Variants in LRP1B observed in about 807,000 individuals in gnomAD.
The protein encoded by LRP1B is LDL receptor related protein 1B.
A neutral mutation model predicts 556.6 loss-of-function variants in LRP1B; 217 were observed. The observed-to-expected ratio is 0.39, with a 90% CI of 0.35 to 0.44. The LOEUF is 0.44. Among genes scored for constraint, LRP1B ranks in the 20% least tolerant of loss-of-function variants. LRP1B has a pLI of 1.00. For missense variants in LRP1B, 5,053 were observed against 5,620.8 expected (o/e 0.90, Z 3.23); for synonymous variants, 2,047 against 1,865.8 (o/e 1.10, Z -2.50).
At chr2:140,878,065 A>G (rs1693364437) in intron 25 of LRP1B, among the ~76,000 whole-genome samples, 1 of 152,182 alleles carries the variant, frequency 6.6e-6, no homozygotes, top group African/African-American at 2.4e-5. Context: ...CGATAATGAA[A>G]TATGTGAATA....
chr2:142,113,651 C>A (rs111940484), intron 1 of LRP1B, among the ~76,000 whole-genome samples: 1 of 151,946 alleles, frequency 6.6e-6, no homozygotes, highest in African/African-American at 2.4e-5. Context: ...TAAATAAATA[C>A]GTGTGTACAT....
intron 61 of LRP1B, among the ~76,000 whole-genome samples, chr2:140,456,829 C>T (rs1260253866): frequency 6.6e-6 from 1 of 151,780 alleles, no homozygotes; most frequent in Non-Finnish European, 1.5e-5. Context: ...TGCATTTCTA[C>T]AAAACAAAAA....
chr2:140,973,427 G>T (rs1158855690), intron 18 of LRP1B, among the ~76,000 whole-genome samples: 2 of 152,056 alleles, frequency 1.3e-5, no homozygotes, highest in Non-Finnish European at 2.9e-5. Flanking sequence ...GGAGGATGGG[G>T]GGGTAGAGAG....
chr2:141,752,271 G>A (rs1045583679), intron 2 of LRP1B, among the ~76,000 whole-genome samples: 14 of 151,986 alleles, frequency 9.2e-5, no homozygotes, highest in Non-Finnish European at 1.5e-5. Context: ...ATTTTAAATG[G>A]GCAGAAGAGA....
intron 60 of LRP1B, among the ~76,000 whole-genome samples, chr2:140,461,238 TATC>T (rs1449535966): frequency 6.6e-6 from 1 of 152,120 alleles, no homozygotes; most frequent in East Asian, 1.9e-4. Context: ...TTCTGGGTAA[TATC>T]ATTCTAAATT....
chr2:141,933,953 A>G (rs1700569307), intron 1 of LRP1B, among the ~76,000 whole-genome samples: 1 of 152,150 alleles, frequency 6.6e-6, no homozygotes, highest in South Asian at 2.1e-4. Context: ...GTAAGGGCCC[A>G]CAAAAATAAG....
intron 1 of LRP1B, among the ~76,000 whole-genome samples, chr2:141,878,079 A>G (rs1467760407): frequency 6.8e-6 from 1 of 147,350 alleles, no homozygotes; most frequent in Non-Finnish European, 1.5e-5. Context: ...ACACTGGTGA[A>G]GTTAAAAAAA....
At chr2:140,377,940 A>G (rs1046189763) in intron 68 of LRP1B, among the ~76,000 whole-genome samples, 3 of 152,208 alleles carry the variant, frequency 2.0e-5, no homozygotes, top group Non-Finnish European at 4.4e-5. Flanking sequence ...CTATTCCTAC[A>G]ACGCAGCTAT....
chr2:141,189,937 A>AAAGAAAGAAAGAAAGAAAAGG (rs1553473169), intron 6 of LRP1B, among the ~76,000 whole-genome samples: 7 of 150,314 alleles, frequency 4.7e-5, no homozygotes, highest in African/African-American at 1.2e-4. Flanking sequence ...CCTTTAGAAG[A>AAAGAAAGAAAGAAAGAAAAGG]AAGAAAGAAA....
intron 85 of LRP1B, among the ~76,000 whole-genome samples, chr2:140,273,411 A>G (rs1221607044): frequency 6.6e-6 from 1 of 152,010 alleles, no homozygotes; most frequent in Non-Finnish European, 1.5e-5. Flanking sequence ...TACTTTACTA[A>G]AAAATGTACT....
chr2:141,289,228 C>CA (rs994194178), intron 3 of LRP1B, among the ~76,000 whole-genome samples: 45 of 150,574 alleles, frequency 3.0e-4, no homozygotes, highest in East Asian at 1.2e-3. Flanking sequence ...ACTAAAAATA[C>CA]AAAAAAAATT....
rs572374295 is a variant in LRP1B at position 140,828,380 on chromosome 2, C to A, written c.5209+11611G>T. On this transcript the variant is annotated intron_variant, in intron 31 of 90. Transcript: ENST00000389484. Reference sequence around the variant, plus strand: ...ATCCCAGCACTTTGGGAGGCCGAGGCAGGCGGATCACGAGGTCAGGAGATC... The same window carrying A: ...ATCCCAGCACTTTGGGAGGCCGAGGAAGGCGGATCACGAGGTCAGGAGATC... Among the ~76,000 whole-genome samples the A allele has an allele frequency of 4.0e-5, 6 of 151,020 alleles. No homozygotes were observed. The South Asian group carries it at 1.3e-3, about 32-fold the overall frequency.
intron 66 of LRP1B, among the ~76,000 whole-genome samples, chr2:140,428,547 C>A (rs1045990573): frequency 6.6e-6 from 1 of 152,172 alleles, no homozygotes; most frequent in East Asian, 1.9e-4. Flanking sequence ...CTCCCAGAGG[C>A]CCTGGAACTC....
Position 140,901,215 on chromosome 2 carries a change from A to C in LRP1B, c.3766+1705T>G, listed in dbSNP as rs1221504465. ...TTGGACAGGTGGCTAATCTCATCATAAACAACGACCTCCTTGTCCTGTGGA... is the reference window on the plus strand; with the variant it reads ...TTGGACAGGTGGCTAATCTCATCATCAACAACGACCTCCTTGTCCTGTGGA... On this transcript the variant is annotated intron_variant, in intron 23 of 90. Transcript: ENST00000389484. Among the ~76,000 whole-genome samples, 4 of 152,200 alleles carry C rather than the reference A, an allele frequency of 2.6e-5. 1 individual carries two copies.
At chr2:142,004,549 G>A (rs1477308177) in intron 1 of LRP1B, among the ~76,000 whole-genome samples, 1 of 151,584 alleles carries the variant, frequency 6.6e-6, no homozygotes, top group Admixed American at 6.6e-5. Flanking sequence ...TATATTATTT[G>A]AAAACACAAT....
intron 1 of LRP1B, among the ~76,000 whole-genome samples, chr2:141,860,615 T>C (rs1301906665): frequency 6.6e-6 from 1 of 152,138 alleles, no homozygotes; most frequent in African/African-American, 2.4e-5. Context: ...CAGAAGATGA[T>C]ATAGAATATT....
At chr2:141,722,952 T>C (rs1402377211) in intron 2 of LRP1B, among the ~76,000 whole-genome samples, 1 of 152,192 alleles carries the variant, frequency 6.6e-6, no homozygotes, top group Non-Finnish European at 1.5e-5. Flanking sequence ...AGTCTTACAT[T>C]GATGAATATT....
chr2:140,740,988 A>G (rs1227551168), intron 35 of LRP1B, among the ~76,000 whole-genome samples: 5 of 152,200 alleles, frequency 3.3e-5, no homozygotes, highest in Non-Finnish European at 5.9e-5. Flanking sequence ...CACTCAGCCC[A>G]TAATAGGTAT....
intron 32 of LRP1B, among the ~76,000 whole-genome samples, chr2:140,782,935 G>A (rs978355482): frequency 1.3e-5 from 2 of 152,134 alleles, no homozygotes; most frequent in Admixed American, 6.5e-5. Flanking sequence ...TCACACAGCA[G>A]GAGTATGGCA....
Sources: gnomAD v4.1 joint callset for allele counts (sites outside exome capture counted in the v4.1 genomes callset) on GRCh38, gnomAD v4.1.1 for gene constraint, MANE v1.5 for transcripts, NCBI Gene and HGNC (gene_info 2026-07-23, HGNC 2026-07-21) for gene names.